Variants in INAVA observed in about 807,000 individuals in gnomAD.
The protein encoded by INAVA is innate immunity activator.
In INAVA, 32 loss-of-function variants were observed where a neutral mutation model predicts 55.3. That is an observed-to-expected ratio of 0.58 (90% CI 0.44 to 0.78). The LOEUF (loss-of-function observed/expected upper bound fraction) is 0.78. INAVA is among the 30% of genes least tolerant of loss of function. INAVA has a pLI of 0.00. For synonymous variants in INAVA, 294 were observed against 329.4 expected, an observed-to-expected ratio of 0.89 and a Z score of 1.16; for missense variants, 756 against 786.4, an observed-to-expected ratio of 0.96 and a Z score of 0.46.
Position 200,911,481 on chromosome 1 carries a change from G to A in INAVA, c.988G>A (p.Gly330Ser), listed in dbSNP as rs765759384. 1 of 1,613,274 alleles carries A rather than the reference G, an allele frequency of 6.2e-7. No homozygotes were observed. The highest frequency in any genetic ancestry group is 1.1e-5 in the South Asian group (1 of 90,994). The change falls in exon 9 of 10, where the codon GGC becomes AGC. Residue 330 changes from glycine (G) to serine (S), a missense_variant. Physicochemically the swap from Gly to Ser is moderately conservative, Grantham distance 56. Transcript: ENST00000413687. ...RVDSFRAGPE[G>S]RGRSAFPRRR... ...GGATTCCTTCCGGGCGGGTCCTGAGGGCCGAGGTCGCAGCGCCTTTCCCCG... is the reference window on the plus strand; with the variant it reads ...GGATTCCTTCCGGGCGGGTCCTGAGAGCCGAGGTCGCAGCGCCTTTCCCCG...
At chr1:200,907,737 G>A (rs1653554734) in intron 5 of INAVA, 97 bp from the exon 6 acceptor site, 1 of 864,672 alleles carries the variant, frequency 1.2e-6, no homozygotes, top group South Asian at 1.5e-5. Context: ...TGTCCTGGGG[G>A]AGTGATCAGG....
At chr1:200,907,734 G>T in intron 5 of INAVA, 100 bp from the exon 6 acceptor site, 1 of 849,306 alleles carries the variant, frequency 1.2e-6, no homozygotes, top group Non-Finnish European at 1.9e-6. Flanking sequence ...TGCTGTCCTG[G>T]GGGAGTGATC....
rs180912267 is a variant in INAVA, at chr1:200,903,603, A to G, written c.520+2444A>G. Among the ~76,000 whole-genome samples the G allele has an allele frequency of 5.5e-3, 841 of 151,908 alleles. 2 individuals are homozygous for G. In the Middle Eastern group the frequency reaches 0.058, roughly 10 times the overall value. The stretch of plus-strand genomic sequence containing the variant: ...GTGGATCACTTGAGGTCGGGAGTTC[A>G]AGACCAGTCTGACCAACATGGAGAA... On this transcript the variant is annotated intron_variant, in intron 5 of 9. Transcript: ENST00000413687.
Position 200,901,041 on chromosome 1 carries a change from G to A in INAVA, c.402G>A (p.Arg134=). ...AGAACCTCAGCAGGCAGGCTCGGCG[G>A]CAGCGGAAGCACTCCATGCTGCAGG... The part of the protein sequence containing the change: ...LEENLSRQAR[R]QRKHSMLQEE... Residue 134 remains arginine (R), a synonymous_variant, in exon 5 of 10, where the codon CGG becomes CGA. Transcript: ENST00000413687. 6 of 1,547,026 alleles carry A rather than the reference G, an allele frequency of 3.9e-6. No individual in the cohort carries two copies. The highest frequency in any genetic ancestry group is 4.4e-6 in the Non-Finnish European group (5 of 1,146,522).
chr1:200,899,342 G>T, intron 2 of INAVA, 131 bp from the exon 3 acceptor site: 1 of 1,336,336 alleles, frequency 7.5e-7, no homozygotes, highest in Non-Finnish European at 1.0e-6. Flanking sequence ...CCTGCAATTT[G>T]TGGGCAGGCA....
chr1:200,892,720 C>T (rs1425757747), upstream of INAVA, among the ~76,000 whole-genome samples: 2 of 152,262 alleles, frequency 1.3e-5, no homozygotes, highest in East Asian at 3.9e-4. Context: ...GCCCACCTCC[C>T]CCATTGGTAT....
Position 200,912,222 on chromosome 1 carries a change from T to C in INAVA, c.1644+85T>C, listed in dbSNP as rs1462751674. 11 of 1,249,194 alleles carry C rather than the reference T, an allele frequency of 8.8e-6. No homozygotes were observed. In the African/African-American group the frequency reaches 1.5e-4, roughly 17 times the overall value. The allele number at this position is 1,249,194 out of a possible 1,614,324, so 77.4% of individuals were successfully genotyped here. On this transcript the variant is annotated intron_variant, in intron 9 of 9. Transcript: ENST00000413687. ...GCTGCAATTCTAGTATGTCCAAGGG[T>C]ACAGAGGCATCAAAGCAGCAACCTA... is the stretch of plus-strand genomic sequence containing the variant.
At chr1:200,901,628 A>G (rs1361522032) in intron 5 of INAVA, among the ~76,000 whole-genome samples, 1 of 152,186 alleles carries the variant, frequency 6.6e-6, no homozygotes, top group African/African-American at 2.4e-5. Flanking sequence ...GACGATTGCT[A>G]TGTGTTACTG....
At chr1:200,900,762 C>T (rs951893739) in intron 4 of INAVA, among the ~76,000 whole-genome samples, 175 bp from the exon 5 acceptor site, 5 of 152,206 alleles carry the variant, frequency 3.3e-5, no homozygotes, top group African/African-American at 9.7e-5. Flanking sequence ...CTTTTCGGCT[C>T]CTCCCACTCC....
chr1:200,891,603 G>T (rs141245080), upstream of INAVA: 36 of 1,562,960 alleles, frequency 2.3e-5, no homozygotes, highest in Middle Eastern at 1.7e-4. Flanking sequence ...GGGAGGCTCG[G>T]GGGGAGGGAA....
At chr1:200,891,600 T>G (rs763650023), upstream of INAVA, 5 of 1,567,500 alleles carry the variant, frequency 3.2e-6, no homozygotes, top group South Asian at 5.9e-5. Flanking sequence ...GCAGGGAGGC[T>G]CGGGGGGAGG....
intron 7 of INAVA, 135 bp from the exon 8 acceptor site, chr1:200,909,089 T>C: frequency 7.7e-7 from 1 of 1,300,662 alleles, no homozygotes. Flanking sequence ...TGAGCCTTGA[T>C]AGTTCCCCAA....
chr1:200,907,845 T>G lies in INAVA; in HGVS notation c.532T>G (p.Ser178Ala). 1 of 1,612,644 alleles carries G rather than the reference T, an allele frequency of 6.2e-7. No homozygotes were observed. The highest frequency in any genetic ancestry group is 8.5e-7 in the Non-Finnish European group (1 of 1,178,838). ...ALPLGRELSA[S>A]DDSSLSDGLL... Reference sequence around the variant, plus strand: ...TTTGTCTTTCGCAGAGCTCAGTGCCTCTGATGACAGCTCCCTGTCAGATGG... The same window carrying G: ...TTTGTCTTTCGCAGAGCTCAGTGCCGCTGATGACAGCTCCCTGTCAGATGG... The change falls in exon 6 of 10, where the codon TCT becomes GCT. Residue 178 changes from serine to alanine, a missense_variant. This residue lies in a region of INAVA where 639 missense variants were observed against 624.3 expected (regional missense o/e 1.02). Transcript: ENST00000413687.
chr1:200,899,660 G>A, intron 3 of INAVA, 63 bp downstream of exon 3: 1 of 1,581,448 alleles, frequency 6.3e-7, no homozygotes, highest in Non-Finnish European at 8.6e-7. Flanking sequence ...AGCCACGTGT[G>A]GGGATGCGGG....
At chr1:200,911,317 T>C in intron 8 of INAVA, 136 bp from the exon 9 acceptor site, 2 of 853,738 alleles carry the variant, frequency 2.3e-6, no homozygotes, top group South Asian at 1.6e-5. Flanking sequence ...AGACTTGACC[T>C]AAGACCCTTG....
At chr1:200,895,565 C>G (rs573509411) in intron 1 of INAVA, among the ~76,000 whole-genome samples, 8 of 152,068 alleles carry the variant, frequency 5.3e-5, no homozygotes, top group Non-Finnish European at 1.0e-4. Context: ...ACCTGAACTG[C>G]CTTTATCTAA....
At chr1:200,908,444 G>T in intron 6 of INAVA, 1 of 321,494 alleles carries the variant, frequency 3.1e-6, no homozygotes, top group Non-Finnish European at 5.6e-6. Flanking sequence ...CTGCAGACAT[G>T]GTACCAGGAA....
At chr1:200,908,612 AG>A (rs1653586740) in intron 6 of INAVA, 117 bp from the exon 7 acceptor site, 1 of 839,590 alleles carries the variant, frequency 1.2e-6, no homozygotes, top group Non-Finnish European at 1.9e-6. Flanking sequence ...GGCCTGCAGC[AG>A]CTGCACAAGC....
intron 9 of INAVA, among the ~76,000 whole-genome samples, 163 bp from the exon 10 acceptor site, chr1:200,913,372 CAG>C (rs1272413142): frequency 3.9e-5 from 6 of 152,320 alleles, no homozygotes; most frequent in Non-Finnish European, 7.4e-5. Flanking sequence ...CCCTGAAGAA[CAG>C]AGAGCATCCT....
Sources: gnomAD v4.1 joint callset for allele counts (sites outside exome capture counted in the v4.1 genomes callset) on GRCh38, gnomAD v4.1.1 for gene constraint, gnomAD v4.1.1 regional missense constraint, MANE v1.5 for transcripts, NCBI Gene and HGNC (gene_info 2026-07-23, HGNC 2026-07-21) for gene names.